Variants in HMCN1 observed in about 807,000 individuals in gnomAD.
HMCN1 encodes hemicentin 1, also known as hemicentin-1.
A neutral mutation model predicts 625.9 loss-of-function variants in HMCN1; 321 were observed. That is an observed-to-expected ratio of 0.51 (90% CI 0.47 to 0.56). HMCN1 has a LOEUF of 0.56. Ranked by LOEUF, HMCN1 falls within the 20% of genes least tolerant of loss-of-function variation. The pLI is 0.00. For missense variants in HMCN1, 6,588 were observed against 6,887.3 expected (o/e 0.96, Z 1.54); for synonymous variants, 2,425 against 2,417.6 (o/e 1.00, Z -0.09).
intron 1 of HMCN1, among the ~76,000 whole-genome samples, chr1:185,843,616 G>C (rs1207627911): frequency 2.0e-5 from 3 of 152,164 alleles, no homozygotes; most frequent in Admixed American, 6.5e-5. Flanking sequence ...ATGGAAGCAA[G>C]TTCTGAAAGG....
At chr1:186,180,452 A>G (rs1337153021) in intron 104 of HMCN1, among the ~76,000 whole-genome samples, 15 of 152,140 alleles carry the variant, frequency 9.9e-5, no homozygotes, top group African/African-American at 3.6e-4. Flanking sequence ...AAATAAATTT[A>G]GCCACACCCT....
At chr1:186,066,827 C>G (rs565217339) in intron 49 of HMCN1, among the ~76,000 whole-genome samples, 1 of 152,174 alleles carries the variant, frequency 6.6e-6, no homozygotes, top group East Asian at 1.9e-4. Context: ...GTGTTCTGTC[C>G]TTACTTCACT....
chr1:186,163,786 C>T (rs1163655754), intron 97 of HMCN1, among the ~76,000 whole-genome samples: 1 of 152,148 alleles, frequency 6.6e-6, no homozygotes, highest in Admixed American at 6.5e-5. Flanking sequence ...TCATACATGG[C>T]AATATTGTAA....
intron 73 of HMCN1, 136 bp downstream of exon 73, chr1:186,114,259 A>AT: frequency 1.0e-6 from 1 of 965,556 alleles, no homozygotes; most frequent in Non-Finnish European, 1.6e-6. Flanking sequence ...AAAATTTAGT[A>AT]TTTTATTATT....
chr1:185,891,735 C>A (rs527248697), intron 4 of HMCN1, among the ~76,000 whole-genome samples: 5 of 148,186 alleles, frequency 3.4e-5, no homozygotes, highest in Admixed American at 2.6e-4. Context: ...TCTCTGGCTG[C>A]CCTTAACATT....
chr1:186,119,239 C>T lies in HMCN1; in HGVS notation c.11897C>T (p.Thr3966Ile). Residue 3966 changes from threonine (T) to isoleucine (I), a missense_variant, in exon 78 of 107, where the codon ACT becomes ATT. Around this residue, in one of 3 missense-constraint regions of HMCN1, gnomAD observed 4,628 missense variants for 4,853.1 expected, o/e 0.95. Coordinates refer to ENST00000271588, the MANE Select transcript of HMCN1 (RefSeq NM_031935.3). ...ATQLNHAGRY[T>I]CVARNAAGSA... ...CAATTAAACCATGCTGGAAGATACA[C>T]TTGTGTCGCTAGGAATGCGGCTGGC... The T allele has an allele frequency of 1.2e-6, 2 of 1,613,966 alleles. No homozygotes were observed. Among genetic ancestry groups the T allele is most frequent in the South Asian group, 1.1e-5 (1 of 91,084 alleles).
intron 15 of HMCN1, among the ~76,000 whole-genome samples, chr1:185,975,836 C>T (rs1044070815): frequency 2.6e-5 from 4 of 151,784 alleles, no homozygotes; most frequent in Non-Finnish European, 4.4e-5. Flanking sequence ...GAAATTGCCA[C>T]GTGAAAGTTC....
intron 15 of HMCN1, among the ~76,000 whole-genome samples, chr1:185,972,248 CA>C (rs1193488035): frequency 6.6e-6 from 1 of 152,180 alleles, no homozygotes; most frequent in Admixed American, 6.5e-5. Context: ...TCAGTCCCCT[CA>C]AAGTTTGTAG....
chr1:185,965,785 G>T lies in HMCN1; in HGVS notation c.2099-17G>T. On this transcript the variant is annotated splice_polypyrimidine_tract_variant and intron_variant, in intron 13 of 106. Transcript: ENST00000271588. ...CTTGTGCTAAATGTTGACTATTTGC[G>T]TTTTTGTTTTTTTCAGAAGCCCCTA... The T allele has an allele frequency of 2.1e-6, 3 of 1,417,884 alleles. No individual in the cohort carries two copies. Among genetic ancestry groups the T allele is most frequent in the Non-Finnish European group, 3.0e-6 (3 of 1,001,568 alleles). 87.8% of individuals were successfully genotyped at this position (1,417,884 alleles called of 1,614,324 possible).
intron 1 of HMCN1, among the ~76,000 whole-genome samples, chr1:185,799,592 C>T (rs1015258003): frequency 6.6e-5 from 10 of 152,130 alleles, no homozygotes; most frequent in Admixed American, 3.9e-4. Context: ...AGCTTTCTAG[C>T]TTTCTTAAAT....
chr1:185,849,902 A>G (rs1480269405), intron 2 of HMCN1, among the ~76,000 whole-genome samples: 1 of 151,140 alleles, frequency 6.6e-6, no homozygotes, highest in East Asian at 1.9e-4. Flanking sequence ...CTACTTATTT[A>G]CTATTTGCTT....
At chr1:185,781,433 T>C (rs1657095044) in intron 1 of HMCN1, among the ~76,000 whole-genome samples, 1 of 152,250 alleles carries the variant, frequency 6.6e-6, no homozygotes, top group Non-Finnish European at 1.5e-5. Flanking sequence ...CTTTTAATTG[T>C]AATGTTAAGG....
At chr1:186,137,295 G>A (rs1417533937) in intron 87 of HMCN1, among the ~76,000 whole-genome samples, 2 of 152,154 alleles carry the variant, frequency 1.3e-5, no homozygotes, top group African/African-American at 4.8e-5. Flanking sequence ...AAGTGAGTGA[G>A]GATTCGATCT....
chr1:186,082,591 G>T (rs999863191), intron 56 of HMCN1, among the ~76,000 whole-genome samples: 18 of 152,188 alleles, frequency 1.2e-4, no homozygotes, highest in African/African-American at 3.6e-4. Flanking sequence ...AATGCCAGAG[G>T]CAGAGAGAGA....
intron 75 of HMCN1, among the ~76,000 whole-genome samples, chr1:186,116,686 T>C (rs1661150907): frequency 6.6e-6 from 1 of 152,176 alleles, no homozygotes; most frequent in South Asian, 2.1e-4. Context: ...CATTGTACTG[T>C]ATTTCTCCTA....
chr1:185,903,673 GA>G (rs1442372430), intron 4 of HMCN1, among the ~76,000 whole-genome samples: 1 of 151,698 alleles, frequency 6.6e-6, no homozygotes, highest in East Asian at 1.9e-4. Context: ...CTCAAGTGGT[GA>G]TATTTCTTGG....
chr1:185,800,599 G>A (rs1338090819), intron 1 of HMCN1, among the ~76,000 whole-genome samples: 2 of 151,946 alleles, frequency 1.3e-5, no homozygotes, highest in African/African-American at 4.8e-5. Context: ...TTAAATGGTA[G>A]GAAATATTAT....
intron 39 of HMCN1, among the ~76,000 whole-genome samples, 153 bp downstream of exon 39, chr1:186,040,032 A>G (rs1236209170): frequency 1.3e-5 from 2 of 152,174 alleles, no homozygotes; most frequent in African/African-American, 4.8e-5. Flanking sequence ...CCATGGACAC[A>G]TAACTGGGGT....
chr1:185,840,535 ACCCTGGATGCCTTCATGGT>A (rs933244838), intron 1 of HMCN1, among the ~76,000 whole-genome samples: 1 of 151,946 alleles, frequency 6.6e-6, no homozygotes, highest in African/African-American at 2.4e-5. Flanking sequence ...CCCAACTCAT[ACCCTGGATGCCTTCATGGT>A]GCATTTTCTT....
Sources: allele counts gnomAD v4.1 joint callset (sites outside exome capture counted in the v4.1 genomes callset), GRCh38; gene constraint gnomAD v4.1.1; regional missense constraint gnomAD v4.1.1; transcripts MANE v1.5; gene names NCBI Gene and HGNC (gene_info 2026-07-23, HGNC 2026-07-21).